Variants in MALRD1 observed in about 807,000 individuals in gnomAD.
MALRD1 encodes the protein MAM and LDL receptor class A domain containing 1, also known as MAM and LDL-receptor class A domain-containing protein 1.
Under a neutral mutation model 242.1 loss-of-function variants are expected in MALRD1, and 247 were observed. That is an observed-to-expected ratio of 1.02 (90% CI 0.92 to 1.13). The LOEUF (loss-of-function observed/expected upper bound fraction) is 1.13. Among genes scored for constraint, MALRD1 ranks in the 50% most tolerant of loss-of-function variants. The pLI, the probability that MALRD1 is intolerant of heterozygous loss-of-function variation, is 0.00. For missense variants in MALRD1, 2,989 were observed against 2,533.1 expected (o/e 1.18, Z -3.86); for synonymous variants, 995 against 866.6 (o/e 1.15, Z -2.60).
At chr10:19,578,702 G>C (rs10740923) in intron 33 of MALRD1, among the ~76,000 whole-genome samples, 1 of 148,748 alleles carries the variant, frequency 6.7e-6, no homozygotes, top group South Asian at 2.1e-4. Flanking sequence ...TCATGGCTGG[G>C]TTTTTTTTTT....
intron 28 of MALRD1, among the ~76,000 whole-genome samples, chr10:19,425,927 G>T (rs189160031): frequency 6.6e-6 from 1 of 151,916 alleles, no homozygotes; most frequent in Non-Finnish European, 1.5e-5. Context: ...TCTAATCCAT[G>T]ACAAATTAAA....
At chr10:19,106,078 AT>A (rs1836451906) in intron 5 of MALRD1, among the ~76,000 whole-genome samples, 1 of 151,762 alleles carries the variant, frequency 6.6e-6, no homozygotes, top group Non-Finnish European at 1.5e-5. Context: ...TGAGTGAAAT[AT>A]TTTACATATT....
chr10:19,102,805 A>C (rs900040900), intron 4 of MALRD1, among the ~76,000 whole-genome samples: 3 of 151,998 alleles, frequency 2.0e-5, no homozygotes, highest in African/African-American at 7.2e-5. Context: ...ATCTTTTCTT[A>C]GCGGTGTCTT....
chr10:19,432,479 T>G (rs1209552524), intron 28 of MALRD1, among the ~76,000 whole-genome samples: 1 of 152,204 alleles, frequency 6.6e-6, no homozygotes, highest in Non-Finnish European at 1.5e-5. Context: ...TACAGTTCCA[T>G]GAAATGCCTT....
chr10:19,578,176 T>G (rs1836925321), intron 33 of MALRD1, among the ~76,000 whole-genome samples: 1 of 152,102 alleles, frequency 6.6e-6, no homozygotes, highest in Non-Finnish European at 1.5e-5. Context: ...ACAAGAGACT[T>G]TCCCAGAATG....
intron 31 of MALRD1, among the ~76,000 whole-genome samples, chr10:19,506,823 G>C (rs1177821901): frequency 6.6e-6 from 1 of 152,090 alleles, no homozygotes; most frequent in East Asian, 1.9e-4. Context: ...TTGAAAATGT[G>C]GGTGGAAATA....
chr10:19,281,963 C>CAAAAAA (rs149370838), intron 20 of MALRD1, among the ~76,000 whole-genome samples: 1 of 79,862 alleles, frequency 1.3e-5, no homozygotes, highest in East Asian at 3.9e-4. Flanking sequence ...ACGATGTCTC[C>CAAAAAA]AAAAAAAAAA....
intron 29 of MALRD1, among the ~76,000 whole-genome samples, chr10:19,456,873 A>T (rs1014696282): frequency 1.1e-4 from 17 of 151,834 alleles, no homozygotes; most frequent in African/African-American, 3.6e-4. Context: ...CCTGGGTTCA[A>T]GCGATTCTCA....
chr10:19,418,265 TC>T (rs147386468), intron 28 of MALRD1, among the ~76,000 whole-genome samples: 3,874 of 151,230 alleles, frequency 0.026, 153 homozygotes, highest in African/African-American at 0.086. Flanking sequence ...TATGCACCAT[TC>T]CCCCCCACGC....
intron 36 of MALRD1, among the ~76,000 whole-genome samples, chr10:19,620,161 A>G (rs1310157875): frequency 6.6e-6 from 1 of 152,050 alleles, no homozygotes; most frequent in Non-Finnish European, 1.5e-5. Flanking sequence ...GGAGAGGTAC[A>G]TTTAAAATTT....
intron 19 of MALRD1, among the ~76,000 whole-genome samples, chr10:19,278,728 TG>T (rs932904486): frequency 1.3e-5 from 2 of 152,146 alleles, no homozygotes; most frequent in East Asian, 1.9e-4. Flanking sequence ...ATATTTGACT[TG>T]TGTTCTGTGC....
intron 17 of MALRD1, among the ~76,000 whole-genome samples, chr10:19,206,399 CTAT>C (rs983189665): frequency 6.6e-6 from 1 of 152,056 alleles, no homozygotes; most frequent in African/African-American, 2.4e-5. Flanking sequence ...AATGACTATC[CTAT>C]GAAGTGTAAC....
chr10:19,282,169 C>T (rs1012440875), intron 20 of MALRD1, among the ~76,000 whole-genome samples: 1 of 152,042 alleles, frequency 6.6e-6, no homozygotes, highest in South Asian at 2.1e-4. Context: ...ATATGAAGAA[C>T]AGAGATATAT....
intron 21 of MALRD1, 34 bp downstream of exon 21, chr10:19,283,215 G>C (rs1417921785): frequency 1.4e-6 from 2 of 1,404,102 alleles, no homozygotes; most frequent in Non-Finnish European, 9.4e-7. Context: ...ATCTCTCTTG[G>C]GAAATATTTA....
At chr10:19,594,858 A>ATAAAAGAC (rs1837999597) in intron 33 of MALRD1, among the ~76,000 whole-genome samples, 1 of 152,112 alleles carries the variant, frequency 6.6e-6, no homozygotes, top group African/African-American at 2.4e-5. Flanking sequence ...GTGGTGAGAA[A>ATAAAAGAC]TAAAAGACTA....
chr10:19,283,886 G>C (rs925739280), intron 21 of MALRD1, among the ~76,000 whole-genome samples: 1 of 152,156 alleles, frequency 6.6e-6, no homozygotes, highest in Non-Finnish European at 1.5e-5. Flanking sequence ...GTAGGCACTA[G>C]AAATAAACGA....
chr10:19,619,706 T>C (rs1839317637), intron 36 of MALRD1, among the ~76,000 whole-genome samples: 3 of 152,106 alleles, frequency 2.0e-5, no homozygotes, highest in Non-Finnish European at 4.4e-5. Context: ...CATCATTGCA[T>C]TGCAAGTTTT....
intron 35 of MALRD1, among the ~76,000 whole-genome samples, chr10:19,613,712 G>C (rs151265309): frequency 6.6e-6 from 1 of 152,122 alleles, no homozygotes; most frequent in East Asian, 1.9e-4. Context: ...TAAAATCTTG[G>C]CCCTGCTGGG....
At chr10:19,212,466 G>A (rs4748563) in intron 18 of MALRD1, among the ~76,000 whole-genome samples, 39,067 of 151,606 alleles carry the variant, frequency 0.26, 5,722 homozygotes, top group Admixed American at 0.33. Flanking sequence ...TAATTAATTC[G>A]GATAAAGCAA....
Sources: gnomAD v4.1 joint callset for allele counts (sites outside exome capture counted in the v4.1 genomes callset) on GRCh38, gnomAD v4.1.1 for gene constraint, MANE v1.5 for transcripts, NCBI Gene and HGNC (gene_info 2026-07-23, HGNC 2026-07-21) for gene names.